The following SDC4 variants were observed in gnomAD, a reference collection of about 807,000 sequenced individuals.
The protein encoded by SDC4 is syndecan 4.
SDC4 carries 17 observed loss-of-function variants against 20.5 expected under a neutral mutation model. The ratio of observed to expected loss-of-function variants is 0.83; its 90% confidence interval spans 0.57 to 1.25. The LOEUF is 1.25. SDC4 is among the 50% of genes most tolerant of loss of function. SDC4 has a pLI of 0.00. For synonymous variants in SDC4, 107 were observed against 105.3 expected (o/e 1.02, Z -0.10); for missense variants, 241 against 252.3 (o/e 0.96, Z 0.30).
At chr20:45,340,760 C>A (rs964185862) in intron 1 of SDC4, among the ~76,000 whole-genome samples, 2 of 152,180 alleles carry the variant, frequency 1.3e-5, no homozygotes, top group African/African-American at 2.4e-5. Flanking sequence ...ACTGGGCAAG[C>A]CAAATTTAGT....
Position 45,325,487 on chromosome 20 carries a change from G to C in SDC4, c.*1777C>G, listed in dbSNP as rs2853899. On this transcript the variant is annotated 3_prime_UTR_variant, in exon 5 of 5. Transcript: ENST00000372733. ...TAATGGCCACTGGTGCAGCAAGGGA[G>C]GGTGGTTCCCCTCACCGCAGCCACT... 1 of 152,612 alleles carries C rather than the reference G, an allele frequency of 6.6e-6. No individual in the cohort carries two copies. Among genetic ancestry groups the C allele is most frequent in the Admixed American group, 6.5e-5 (1 of 15,272 alleles). The allele number at this position is 152,612 out of a possible 1,614,324, so 9.5% of individuals were successfully genotyped here. A position where few individuals can be genotyped will look rare whatever the true frequency, so the allele number is the denominator to read the frequency against.
intron 1 of SDC4, among the ~76,000 whole-genome samples, chr20:45,347,926 A>G (rs1020818833): frequency 4.6e-5 from 7 of 151,696 alleles, no homozygotes; most frequent in Non-Finnish European, 1.0e-4. Flanking sequence ...CCCCAGGGCC[A>G]TCTCGGATCC....
chr20:45,343,347 A>G (rs1158158951), intron 1 of SDC4, among the ~76,000 whole-genome samples: 1 of 152,054 alleles, frequency 6.6e-6, no homozygotes, highest in Admixed American at 6.6e-5. Context: ...CACCCCTCAA[A>G]GTGCTATTTG....
chr20:45,335,705 A>G, intron 2 of SDC4, 77 bp downstream of exon 2: 1 of 1,499,578 alleles, frequency 6.7e-7, no homozygotes, highest in South Asian at 1.2e-5. Flanking sequence ...GTCTCAAGGC[A>G]TGGTCACCCT....
At chr20:45,348,260 G>A in intron 1 of SDC4, 65 bp downstream of exon 1, 2 of 1,238,754 alleles carry the variant, frequency 1.6e-6, no homozygotes, top group Non-Finnish European at 2.3e-6. Context: ...ACGCTCCGAC[G>A]AACAAAGGAG....
rs963713561 is a variant in SDC4 at position 45,335,877 on chromosome 20, C to T, written c.104G>A (p.Gly35Asp). 1 of 1,613,738 alleles carries T rather than the reference C, an allele frequency of 6.2e-7. No individual in the cohort carries two copies. Among genetic ancestry groups the T allele is most frequent in the Non-Finnish European group, 8.5e-7 (1 of 1,179,952 alleles). The change falls in exon 2 of 5, where the codon GGC becomes GAC. Residue 35 changes from glycine to aspartate, a missense_variant. Gly to Asp is a moderately conservative substitution (Grantham distance 94, BLOSUM62 -1). Transcript: ENST00000372733. ...TGGTAGGGCTCCGGAGAAGTATCGG[C>T]CTTCTAGGAGGTCCTGGGGGTCGAT... ...EVIDPQDLLE[G>D]RYFSGALPDD...
Position 45,327,257 on chromosome 20 carries a change from G to A in SDC4, c.*7C>T. ...CTAAAGTCCAAGCCAGTGCCCACAA[G>A]CAAGCTTCACGCGTAGAACTCATTG... is the stretch of plus-strand genomic sequence containing the variant. On this transcript the variant is annotated 3_prime_UTR_variant, in exon 5 of 5. Coordinates refer to ENST00000372733, the MANE Select transcript of SDC4 (RefSeq NM_002999.4). 6.2e-7 allele frequency: 1 copy of A among 1,614,020 alleles called. No homozygotes were observed. The highest frequency in any genetic ancestry group is 8.5e-7 in the Non-Finnish European group (1 of 1,179,956).
intron 1 of SDC4, among the ~76,000 whole-genome samples, chr20:45,341,902 G>C (rs1230472238): frequency 6.6e-6 from 1 of 152,136 alleles, no homozygotes; most frequent in Admixed American, 6.5e-5. Flanking sequence ...GATGATCGTG[G>C]ACAATTCCCT....
chr20:45,343,731 G>T (rs1280162880), intron 1 of SDC4, among the ~76,000 whole-genome samples: 3 of 152,214 alleles, frequency 2.0e-5, no homozygotes, highest in African/African-American at 4.8e-5. Context: ...CCTGGGCTCA[G>T]AATCTTCAGA....
intron 3 of SDC4, among the ~76,000 whole-genome samples, chr20:45,331,051 C>T (rs1189443250): frequency 6.6e-6 from 1 of 152,182 alleles, no homozygotes; most frequent in African/African-American, 2.4e-5. Context: ...TATGGACTCA[C>T]CCTGAATTCT....
intron 1 of SDC4, among the ~76,000 whole-genome samples, chr20:45,343,971 G>A (rs1427572844): frequency 6.6e-6 from 1 of 152,170 alleles, no homozygotes; most frequent in Non-Finnish European, 1.5e-5. Flanking sequence ...GACTTCGCAC[G>A]TCTGGAGTTA....
intron 4 of SDC4, among the ~76,000 whole-genome samples, chr20:45,328,050 CG>C (rs1194139695): frequency 6.6e-6 from 1 of 152,204 alleles, no homozygotes; most frequent in Non-Finnish European, 1.5e-5. Flanking sequence ...AGGAGAAAAC[CG>C]TAGGCTATGG....
At chr20:45,336,002 A>T (rs1987859653) in intron 1 of SDC4, 82 bp from the exon 2 acceptor site, 1 of 1,491,532 alleles carries the variant, frequency 6.7e-7, no homozygotes, top group African/African-American at 1.4e-5. Context: ...TGAAGTGGGC[A>T]TTCAGAAACT....
intron 1 of SDC4, among the ~76,000 whole-genome samples, chr20:45,339,826 G>C (rs992800016): frequency 2.0e-4 from 31 of 152,210 alleles, no homozygotes; most frequent in African/African-American, 7.5e-4. Flanking sequence ...TAGTGCCTGG[G>C]GGTTTAGAGA....
intron 2 of SDC4, among the ~76,000 whole-genome samples, chr20:45,334,135 CA>C (rs1987825080): frequency 6.6e-6 from 1 of 151,948 alleles, no homozygotes; most frequent in South Asian, 2.1e-4. Context: ...GCTGGGACTA[CA>C]GGGGTGCACC....
chr20:45,332,358 A>G (rs1299790553), intron 3 of SDC4, among the ~76,000 whole-genome samples: 3 of 151,936 alleles, frequency 2.0e-5, no homozygotes, highest in Admixed American at 6.6e-5. Flanking sequence ...ATAGGGTTTC[A>G]CCATGTTGGC....
chr20:45,334,320 C>T (rs1255124231), intron 2 of SDC4, among the ~76,000 whole-genome samples: 2 of 151,540 alleles, frequency 1.3e-5, no homozygotes, highest in Admixed American at 1.3e-4. Context: ...TAACAAGATC[C>T]CCAGGGAATT....
intron 2 of SDC4, among the ~76,000 whole-genome samples, chr20:45,334,371 T>C (rs901479140): frequency 1.3e-5 from 2 of 152,146 alleles, no homozygotes; most frequent in East Asian, 1.9e-4. Flanking sequence ...TATTAAAACA[T>C]TTCCTGGGCG....
chr20:45,344,567 C>CTGGG (rs1374188683), intron 1 of SDC4, among the ~76,000 whole-genome samples: 1 of 152,218 alleles, frequency 6.6e-6, no homozygotes, highest in African/African-American at 2.4e-5. Flanking sequence ...GGAGATGGGG[C>CTGGG]TGGGAGCCCA....
Sources: gnomAD v4.1 joint callset for allele counts (sites outside exome capture counted in the v4.1 genomes callset) on GRCh38, gnomAD v4.1.1 for gene constraint, MANE v1.5 for transcripts, NCBI Gene and HGNC (gene_info 2026-07-23, HGNC 2026-07-21) for gene names.